ITGBL1: variants seen among roughly 807,000 people sequenced by gnomAD.
The protein encoded by ITGBL1 is integrin beta-like protein 1.
In ITGBL1, 51 loss-of-function variants were observed where a neutral mutation model predicts 68.5. The ratio of observed to expected loss-of-function variants is 0.74; its 90% confidence interval spans 0.59 to 0.94. ITGBL1 has a LOEUF of 0.94. Among genes scored for constraint, ITGBL1 ranks in the 40% least tolerant of loss-of-function variants. The pLI, the probability that ITGBL1 is intolerant of heterozygous loss-of-function variation, is 0.00. For synonymous variants in ITGBL1, 209 were observed against 227.3 expected (o/e 0.92, Z 0.72); for missense variants, 649 against 647.4 (o/e 1.00, Z -0.03).
intron 6 of ITGBL1, among the ~76,000 whole-genome samples, chr13:101,592,725 A>G (rs1317449069): frequency 6.6e-6 from 1 of 152,164 alleles, no homozygotes; most frequent in Non-Finnish European, 1.5e-5. Flanking sequence ...GGATATCCAT[A>G]TGCAGAAGAA....
At chr13:101,632,084 A>T (rs566205668) in intron 7 of ITGBL1, among the ~76,000 whole-genome samples, 1 of 152,198 alleles carries the variant, frequency 6.6e-6, no homozygotes, top group South Asian at 2.1e-4. Flanking sequence ...TTATCAAAAC[A>T]CACTCTTAGG....
intron 2 of ITGBL1, chr13:101,489,978 A>G: frequency 6.6e-7 from 1 of 1,505,746 alleles, no homozygotes; most frequent in Non-Finnish European, 8.9e-7. Flanking sequence ...ACTTAGTTGC[A>G]GTGATGGGAG....
At chr13:101,667,928 T>C (rs1351117228) in intron 7 of ITGBL1, among the ~76,000 whole-genome samples, 5 of 152,064 alleles carry the variant, frequency 3.3e-5, no homozygotes, top group African/African-American at 1.2e-4. Flanking sequence ...AAATGCCTTT[T>C]AGCTCATGGG....
At chr13:101,637,292 GAAGTTAAATCGGTGCTGGGGACAAC>G (rs2139421637) in intron 7 of ITGBL1, among the ~76,000 whole-genome samples, 1 of 151,450 alleles carries the variant, frequency 6.6e-6, no homozygotes, top group African/African-American at 2.4e-5. Context: ...AGTATGGTTT[GAAGTTAAATCGGTGCTGGGGACAAC>G]AAAGTCAAAA....
At chr13:101,579,452 C>T in intron 5 of ITGBL1, 25 bp downstream of exon 5, 1 of 1,606,126 alleles carries the variant, frequency 6.2e-7, no homozygotes, top group Non-Finnish European at 8.5e-7. Flanking sequence ...CATGTTACTA[C>T]ATAATGGGGA....
intron 7 of ITGBL1, among the ~76,000 whole-genome samples, chr13:101,643,750 C>G (rs545060349): frequency 1.2e-4 from 19 of 152,234 alleles, no homozygotes; most frequent in Middle Eastern, 3.4e-3. Flanking sequence ...GGGAGAGTAG[C>G]TTGATCTCTT....
At chr13:101,649,506 G>A (rs189405171) in intron 7 of ITGBL1, among the ~76,000 whole-genome samples, 1 of 152,280 alleles carries the variant, frequency 6.6e-6, no homozygotes, top group African/African-American at 2.4e-5. Flanking sequence ...TTTTGAATTA[G>A]AGATTTTTAA....
chr13:101,653,831 G>T (rs1309263431), intron 7 of ITGBL1, among the ~76,000 whole-genome samples: 2 of 150,314 alleles, frequency 1.3e-5, no homozygotes, highest in Non-Finnish European at 3.0e-5. Context: ...TGGGACTACA[G>T]GTGCGCACCA....
intron 7 of ITGBL1, among the ~76,000 whole-genome samples, chr13:101,661,126 AG>A (rs1264152472): frequency 2.8e-4 from 26 of 93,602 alleles, no homozygotes; most frequent in Admixed American, 2.6e-3. Context: ...TAACAAACAT[AG>A]TAAAAAAAAA....
Position 101,608,443 on chromosome 13 carries a change from C to A in ITGBL1, c.1015+10144C>A, listed in dbSNP as rs192280092. 4.3e-3 allele frequency among the ~76,000 whole-genome samples: 641 copies of A among 149,750 alleles called. 2 individuals are homozygous for A. The highest frequency in any genetic ancestry group is 0.02 in the Middle Eastern group (6 of 294). On this transcript the variant is annotated intron_variant, in intron 7 of 10. Transcript: ENST00000376180. ...TTTGGACAGCTGAATCATTACCTTT[C>A]TTATTCATGTTTACAGAGAGTTTAT...
chr13:101,563,886 C>A (rs2050138924), intron 2 of ITGBL1, among the ~76,000 whole-genome samples: 1 of 151,434 alleles, frequency 6.6e-6, no homozygotes, highest in Admixed American at 6.6e-5. Flanking sequence ...CATAGAACAC[C>A]AAATCTTTAA....
At chr13:101,684,629 A>G (rs1256526356) in intron 7 of ITGBL1, among the ~76,000 whole-genome samples, 2 of 151,938 alleles carry the variant, frequency 1.3e-5, no homozygotes, top group Admixed American at 6.6e-5. Context: ...CATTGTCTAC[A>G]TGCACAGTTT....
intron 8 of ITGBL1, among the ~76,000 whole-genome samples, chr13:101,698,303 G>T (rs937984053): frequency 3.3e-5 from 5 of 152,150 alleles, no homozygotes; most frequent in African/African-American, 1.2e-4. Flanking sequence ...AAACTTAACT[G>T]ATCAGCAGAT....
At position 101,579,383 on chromosome 13, in the gene ITGBL1, A is replaced by G. The variant is rs2050416703; in HGVS notation, c.683A>G (p.Lys228Arg). Residue 228 changes from lysine to arginine, a missense_variant, in exon 5 of 11, where the codon AAG becomes AGG. Physicochemically the swap from Lys to Arg is conservative, Grantham distance 26. Coordinates refer to ENST00000376180, the MANE Select transcript of ITGBL1 (RefSeq NM_004791.3). ...FQCDITPWES[K>R]RRCTSPDGKI... is the part of the protein sequence containing the mutation. ...TGCGATATCACCCCCTGGGAAAGCAAGCGAAGATGCACGTCTCCAGATGGC... is the reference window on the plus strand; with the variant it reads ...TGCGATATCACCCCCTGGGAAAGCAGGCGAAGATGCACGTCTCCAGATGGC... 2 of 1,613,928 alleles carry G rather than the reference A, an allele frequency of 1.2e-6. No individual in the cohort carries two copies. Among genetic ancestry groups the G allele is most frequent in the Non-Finnish European group, 1.7e-6 (2 of 1,179,894 alleles).
chr13:101,543,099 T>C (rs1291136517), intron 2 of ITGBL1, among the ~76,000 whole-genome samples: 3 of 152,200 alleles, frequency 2.0e-5, no homozygotes, highest in Non-Finnish European at 4.4e-5. Flanking sequence ...ATCCTGTCAT[T>C]ATGATTTTAG....
intron 7 of ITGBL1, among the ~76,000 whole-genome samples, chr13:101,640,132 A>G (rs1224664476): frequency 6.6e-6 from 1 of 152,196 alleles, no homozygotes; most frequent in Non-Finnish European, 1.5e-5. Context: ...TCAGAAAGAC[A>G]AGAAGTCCAT....
At chr13:101,527,660 GT>G (rs548141159) in intron 2 of ITGBL1, among the ~76,000 whole-genome samples, 112 of 152,102 alleles carry the variant, frequency 7.4e-4, no homozygotes, top group African/African-American at 2.5e-3. Flanking sequence ...TGGTTACTCT[GT>G]ATCTGTCAAG....
chr13:101,469,744 C>T (rs1047762315), intron 2 of ITGBL1, among the ~76,000 whole-genome samples: 4 of 152,068 alleles, frequency 2.6e-5, no homozygotes, highest in Non-Finnish European at 5.9e-5. Context: ...ATTTTAAGAC[C>T]TATGAGTGGC....
intron 2 of ITGBL1, among the ~76,000 whole-genome samples, chr13:101,459,877 A>AT (rs974316308): frequency 1.3e-5 from 2 of 152,086 alleles, no homozygotes; most frequent in African/African-American, 4.8e-5. Flanking sequence ...AAAATTAGTA[A>AT]TTTTTTTTCT....
Sources: allele counts gnomAD v4.1 joint callset (sites outside exome capture counted in the v4.1 genomes callset), GRCh38; gene constraint gnomAD v4.1.1; transcripts MANE v1.5; gene names NCBI Gene and HGNC (gene_info 2026-07-23, HGNC 2026-07-21).